The following STARD3NL variants were observed in gnomAD, a reference collection of about 807,000 sequenced individuals.
STARD3NL encodes STARD3 N-terminal-like protein.
STARD3NL carries 17 observed loss-of-function variants against 30.9 expected under a neutral mutation model. The observed-to-expected ratio is 0.55, with a 90% CI of 0.38 to 0.82. The LOEUF (loss-of-function observed/expected upper bound fraction) is 0.82, where lower values mean the gene tolerates loss of function less well. Among genes scored for constraint, STARD3NL ranks in the 40% least tolerant of loss-of-function variants. STARD3NL has a pLI of 0.00. For synonymous variants in STARD3NL, 112 were observed against 100.5 expected, an observed-to-expected ratio of 1.11 and a Z score of -0.69; for missense variants, 234 against 277.6, an observed-to-expected ratio of 0.84 and a Z score of 1.12.
chr7:38,217,266 G>T lies in STARD3NL; in HGVS notation c.514G>T (p.Asp172Tyr). The T allele has an allele frequency of 4.3e-6, 7 of 1,613,994 alleles. No individual in the cohort carries two copies. Among genetic ancestry groups the T allele is most frequent in the Non-Finnish European group, 5.9e-6 (7 of 1,179,934 alleles). The part of the protein sequence containing the change: ...ILAWIETWFL[D>Y]FKVLPQEAEE... Reference sequence around the variant, plus strand: ...TGCCTGGATTGAGACGTGGTTCCTGGATTTCAAAGTGTTACCTCAAGAAGC... The same window carrying T: ...TGCCTGGATTGAGACGTGGTTCCTGTATTTCAAAGTGTTACCTCAAGAAGC... The change falls in exon 6 of 9, where the codon GAT becomes TAT. Residue 172 changes from aspartate to tyrosine, a missense_variant. Coordinates refer to ENST00000009041, the MANE Select transcript of STARD3NL (RefSeq NM_032016.4).
intron 1 of STARD3NL, among the ~76,000 whole-genome samples, chr7:38,205,135 A>T (rs978043030): frequency 1.3e-5 from 2 of 152,366 alleles, no homozygotes; most frequent in Middle Eastern, 3.4e-3. Flanking sequence ...AACTAATTTT[A>T]TGAGGCCAGC....
intron 1 of STARD3NL, among the ~76,000 whole-genome samples, chr7:38,199,506 C>G (rs1785076653): frequency 6.6e-6 from 1 of 152,116 alleles, no homozygotes; most frequent in African/African-American, 2.4e-5. Context: ...AAGGAATATA[C>G]TAGTTAGTGG....
At chr7:38,223,803 C>A (rs1284031267) in intron 7 of STARD3NL, among the ~76,000 whole-genome samples, 1 of 152,082 alleles carries the variant, frequency 6.6e-6, no homozygotes, top group Admixed American at 6.5e-5. Context: ...TTTAAAAAAG[C>A]TTGATTGAGG....
At chr7:38,209,405 C>T (rs1785667547) in intron 2 of STARD3NL, among the ~76,000 whole-genome samples, 2 of 152,022 alleles carry the variant, frequency 1.3e-5, no homozygotes, top group South Asian at 4.2e-4. Context: ...GCCTCAGCCT[C>T]CAGAGTAGCT....
intron 4 of STARD3NL, chr7:38,215,437 T>C (rs1016368215): frequency 1.6e-4 from 50 of 308,486 alleles, no homozygotes; most frequent in African/African-American, 9.1e-4. Flanking sequence ...ATTTGGAAAA[T>C]GTCTTATTTG....
At chr7:38,192,029 C>T (rs540456733) in intron 1 of STARD3NL, among the ~76,000 whole-genome samples, 74 of 152,190 alleles carry the variant, frequency 4.9e-4, no homozygotes, top group African/African-American at 1.2e-3. Context: ...GTATATCTCA[C>T]GATTTATTTT....
chr7:38,197,227 TC>T (rs762307316), intron 1 of STARD3NL, among the ~76,000 whole-genome samples: 3 of 127,188 alleles, frequency 2.4e-5, no homozygotes, highest in Non-Finnish European at 5.2e-5. Context: ...TCTCTTTCTT[TC>T]TTTCATTTTT....
At chr7:38,221,081 T>C (rs1170795488) in intron 7 of STARD3NL, among the ~76,000 whole-genome samples, 1 of 152,234 alleles carries the variant, frequency 6.6e-6, no homozygotes, top group African/African-American at 2.4e-5. Context: ...TTAGATGAGA[T>C]ACCTAGAGAA....
chr7:38,225,969 C>G (rs1305876720), intron 7 of STARD3NL, among the ~76,000 whole-genome samples: 1 of 152,118 alleles, frequency 6.6e-6, no homozygotes, highest in African/African-American at 2.4e-5. Flanking sequence ...ACCATTAATT[C>G]TTCAAACATT....
At chr7:38,184,276 G>C (rs2115916562) in intron 1 of STARD3NL, among the ~76,000 whole-genome samples, 1 of 152,274 alleles carries the variant, frequency 6.6e-6, no homozygotes, top group Admixed American at 6.5e-5. Flanking sequence ...GGCAGAGGGA[G>C]AACTGGGGCA....
chr7:38,201,284 T>C (rs1458665613), intron 1 of STARD3NL, among the ~76,000 whole-genome samples: 1 of 152,228 alleles, frequency 6.6e-6, no homozygotes, highest in Non-Finnish European at 1.5e-5. Flanking sequence ...GTTACACATA[T>C]ACATATGAAA....
intron 1 of STARD3NL, among the ~76,000 whole-genome samples, chr7:38,180,720 A>C (rs181558014): frequency 2.6e-5 from 4 of 152,236 alleles, no homozygotes; most frequent in Admixed American, 2.0e-4. Context: ...TTAACCTCCA[A>C]CCTTGCTACC....
At chr7:38,192,691 T>C (rs1033844072) in intron 1 of STARD3NL, among the ~76,000 whole-genome samples, 1 of 152,174 alleles carries the variant, frequency 6.6e-6, no homozygotes, top group African/African-American at 2.4e-5. Flanking sequence ...TCTCATAAAT[T>C]TAATTTGCTT....
At chr7:38,185,075 A>G (rs1784406440) in intron 1 of STARD3NL, among the ~76,000 whole-genome samples, 1 of 152,002 alleles carries the variant, frequency 6.6e-6, no homozygotes, top group African/African-American at 2.4e-5. Flanking sequence ...TTTAGCCTGT[A>G]GTTGAATTGA....
At chr7:38,228,693 A>G (rs1786925433) in intron 7 of STARD3NL, 106 bp from the exon 8 acceptor site, 2 of 848,738 alleles carry the variant, frequency 2.4e-6, no homozygotes, top group East Asian at 2.8e-5. Flanking sequence ...CATATGTTTA[A>G]TGTTTTTATG....
chr7:38,207,792 G>C, intron 2 of STARD3NL, 63 bp downstream of exon 2: 1 of 1,461,004 alleles, frequency 6.8e-7, no homozygotes, highest in Non-Finnish European at 9.4e-7. Context: ...GGGTTTTTTT[G>C]TTCGTTTCTC....
intron 7 of STARD3NL, among the ~76,000 whole-genome samples, chr7:38,220,093 T>C (rs114473785): frequency 0.019 from 2,925 of 152,270 alleles, 93 homozygotes; most frequent in African/African-American, 0.067. Flanking sequence ...CAAAGCTGTT[T>C]CCATCCTCTC....
At position 38,230,574 on chromosome 7, in the gene STARD3NL, CTAAA is replaced by C. The variant is rs1787042526; in HGVS notation, c.*672_*675del. 1 of 152,144 alleles carries C rather than the reference CTAAA, an allele frequency of 6.6e-6. No individual in the cohort carries two copies. The highest frequency in any genetic ancestry group is 1.5e-5 in the Non-Finnish European group (1 of 68,026). 9.4% of individuals were successfully genotyped at this position (152,144 alleles called of 1,614,324 possible). On this transcript the variant is annotated 3_prime_UTR_variant, in exon 9 of 9. Coordinates refer to ENST00000009041, the MANE Select transcript of STARD3NL (RefSeq NM_032016.4). The stretch of plus-strand genomic sequence containing the variant: ...TTTTCTCTGATTGTTCTGAAATGTT[CTAAA>C]TACTCTTATTTTGAATGCACAAAAT...
chr7:38,186,166 G>A (rs776106964), intron 1 of STARD3NL, among the ~76,000 whole-genome samples: 2 of 152,146 alleles, frequency 1.3e-5, no homozygotes, highest in Admixed American at 1.3e-4. Flanking sequence ...AATATTCATA[G>A]GAATATTTAT....
Sources: allele counts gnomAD v4.1 joint callset (sites outside exome capture counted in the v4.1 genomes callset), GRCh38; gene constraint gnomAD v4.1.1; transcripts MANE v1.5; gene names NCBI Gene and HGNC (gene_info 2026-07-23, HGNC 2026-07-21).